The following PCDHGA3 variants were observed in gnomAD, a reference collection of about 807,000 sequenced individuals.
PCDHGA3 encodes protocadherin gamma subfamily A, 3.
A neutral mutation model predicts 58.5 loss-of-function variants in PCDHGA3; 40 were observed. The ratio of observed to expected loss-of-function variants is 0.68; its 90% CI spans 0.53 to 0.89. PCDHGA3 has a LOEUF of 0.89. Ranked by LOEUF, PCDHGA3 falls within the 40% of genes least tolerant of loss-of-function variation. PCDHGA3 has a pLI of 0.00. For missense variants in PCDHGA3, 1,223 were observed against 1,195.9 expected (o/e 1.02, Z -0.33); for synonymous variants, 530 against 525.7 (o/e 1.01, Z -0.11).
intron 1 of PCDHGA3, among the ~76,000 whole-genome samples, chr5:141,474,085 AAAAC>A (rs937548165): frequency 1.3e-5 from 2 of 152,188 alleles, no homozygotes; most frequent in African/African-American, 4.8e-5. Flanking sequence ...CAAAAACCAA[AAAAC>A]AAACAACAAC....
At chr5:141,361,319 A>T in intron 1 of PCDHGA3, 1 of 1,613,956 alleles carries the variant, frequency 6.2e-7, no homozygotes, top group Non-Finnish European at 8.5e-7. Flanking sequence ...TTTATTTTGA[A>T]ATCTTCCTCA....
intron 1 of PCDHGA3, among the ~76,000 whole-genome samples, chr5:141,455,580 T>C (rs572453788): frequency 6.6e-6 from 1 of 152,142 alleles, no homozygotes; most frequent in East Asian, 1.9e-4. Flanking sequence ...ACCCCAGCCT[T>C]TTAATATGCA....
chr5:141,387,347 T>C (rs1213698437), intron 1 of PCDHGA3, among the ~76,000 whole-genome samples: 1 of 152,152 alleles, frequency 6.6e-6, no homozygotes. Flanking sequence ...TCTGAGACGG[T>C]TTAGGCCAAG....
chr5:141,500,318 C>T (rs1005060282), intron 2 of PCDHGA3, among the ~76,000 whole-genome samples: 3 of 151,948 alleles, frequency 2.0e-5, no homozygotes, highest in African/African-American at 7.3e-5. Context: ...ACGCCATGCT[C>T]CTGCCTCAGC....
At chr5:141,427,361 A>C in intron 1 of PCDHGA3, 1 of 457,772 alleles carries the variant, frequency 2.2e-6, no homozygotes, top group Non-Finnish European at 4.4e-6. Flanking sequence ...AGGACGCAGA[A>C]CCCTGGACGG....
intron 1 of PCDHGA3, chr5:141,395,397 A>C: frequency 1.1e-6 from 1 of 895,314 alleles, no homozygotes; most frequent in Non-Finnish European, 1.6e-6. Flanking sequence ...TTGAACTCTA[A>C]TAGTCATAGG....
chr5:141,373,902 T>G (rs973881316), intron 1 of PCDHGA3: 8 of 577,832 alleles, frequency 1.4e-5, no homozygotes, highest in Admixed American at 3.7e-5. Context: ...AGTTACATCC[T>G]CCAACAACAA....
chr5:141,393,155 A>G (rs1158641344), intron 1 of PCDHGA3: 1 of 1,613,328 alleles, frequency 6.2e-7, no homozygotes, highest in Non-Finnish European at 8.5e-7. Flanking sequence ...AGGATAAAGG[A>G]AAACTCTTTG....
chr5:141,449,498 A>G (rs1190732747), intron 1 of PCDHGA3, among the ~76,000 whole-genome samples: 7 of 150,506 alleles, frequency 4.7e-5, no homozygotes, highest in Non-Finnish European at 8.9e-5. Flanking sequence ...GTGAGGCATG[A>G]GAAATGCTTG....
At chr5:141,400,192 G>A (rs1411721247) in intron 1 of PCDHGA3, 1 of 1,614,088 alleles carries the variant, frequency 6.2e-7, no homozygotes, top group South Asian at 1.1e-5. Context: ...GTTTTACCTA[G>A]TGGTGGCCTT....
chr5:141,460,912 G>GTGTA (rs145509489), intron 1 of PCDHGA3, among the ~76,000 whole-genome samples: 34,285 of 149,232 alleles, frequency 0.23, 4,672 homozygotes, highest in African/African-American at 0.39. Flanking sequence ...ATTCCATGGT[G>GTGTA]TATATATATA....
intron 1 of PCDHGA3, chr5:141,414,939 C>T (rs773327918): frequency 2.5e-6 from 4 of 1,614,090 alleles, no homozygotes; most frequent in Admixed American, 1.7e-5. Context: ...CCGCAGAGCC[C>T]GGCTACCTGG....
intron 1 of PCDHGA3, chr5:141,374,885 G>A (rs753304716): frequency 9.3e-6 from 15 of 1,613,516 alleles, no homozygotes; most frequent in South Asian, 1.1e-5. Flanking sequence ...GACTGCCACC[G>A]ACCAGGATGA....
At chr5:141,351,564 C>T in intron 1 of PCDHGA3, 1 of 1,614,074 alleles carries the variant, frequency 6.2e-7, no homozygotes, top group Non-Finnish European at 8.5e-7. Flanking sequence ...ACAAGCATCA[C>T]CCTGCACATC....
At position 141,491,828 on chromosome 5, in the gene PCDHGA3, G is replaced by C. The variant is rs1389234164; in HGVS notation, c.2425-2979G>C. ...CTTGGTCGCTGGCTGCGCTCCACCC[G>C]ATTCTCGGGATCATTGGACCGTTTG... On this transcript the variant is annotated intron_variant, in intron 1 of 3. Coordinates refer to ENST00000253812, the MANE Select transcript of PCDHGA3 (RefSeq NM_018916.4). The surrounding 1 kb of genome is among the most constrained non-coding windows in gnomAD (Gnocchi z 6.9). 4.1e-6 allele frequency: 6 copies of C among 1,475,668 alleles called. No homozygotes were observed. The highest frequency in any genetic ancestry group is 5.4e-6 in the Non-Finnish European group (6 of 1,113,522). 91.4% of individuals were successfully genotyped at this position (1,475,668 alleles called of 1,614,324 possible).
At chr5:141,348,939 G>A (rs949739940) in intron 1 of PCDHGA3, among the ~76,000 whole-genome samples, 1 of 152,198 alleles carries the variant, frequency 6.6e-6, no homozygotes, top group Non-Finnish European at 1.5e-5. Flanking sequence ...CTGGTTCTAA[G>A]CCTGGAACTA....
At chr5:141,366,220 A>C in intron 1 of PCDHGA3, 1 of 1,613,804 alleles carries the variant, frequency 6.2e-7, no homozygotes, top group Non-Finnish European at 8.5e-7. Context: ...GCACAGCGCG[A>C]GCCCTGCTGG....
intron 1 of PCDHGA3, among the ~76,000 whole-genome samples, chr5:141,456,306 G>A (rs937409031): frequency 4.6e-5 from 7 of 152,158 alleles, no homozygotes; most frequent in Admixed American, 2.6e-4. Context: ...GAGAACAGCA[G>A]CTAGGGCTCC....
intron 1 of PCDHGA3, chr5:141,416,401 T>C (rs2096020867): frequency 6.6e-6 from 1 of 152,204 alleles, no homozygotes; most frequent in African/African-American, 2.4e-5. Context: ...TGCTTTTGTC[T>C]TTTTTGTTAA....
Sources: allele counts gnomAD v4.1 joint callset (sites outside exome capture counted in the v4.1 genomes callset), GRCh38; gene constraint gnomAD v4.1.1; non-coding constraint Gnocchi (gnomAD v3.1); transcripts MANE v1.5; gene names NCBI Gene and HGNC (gene_info 2026-07-23, HGNC 2026-07-21).